SNRNP200: variants seen among roughly 807,000 people sequenced by gnomAD.
SNRNP200 encodes the protein small nuclear ribonucleoprotein U5 subunit 200, also known as U5 small nuclear ribonucleoprotein 200 kDa helicase.
Under a neutral mutation model 255.2 loss-of-function variants are expected in SNRNP200, and 66 were observed. The ratio of observed to expected loss-of-function variants is 0.26; its 90% CI spans 0.21 to 0.32. The LOEUF is 0.32. Among genes scored for constraint, SNRNP200 ranks in the 10% least tolerant of loss-of-function variants. SNRNP200 has a pLI of 1.00. For missense variants in SNRNP200, 1,585 were observed against 2,749.8 expected, an observed-to-expected ratio of 0.58 and a Z score of 9.47; for synonymous variants, 939 against 1,027.8, an observed-to-expected ratio of 0.91 and a Z score of 1.65.
rs758426655 is a variant in SNRNP200 at position 96,297,647 on chromosome 2, T to C, written c.1193A>G (p.Gln398Arg). 50 of 1,614,122 alleles carry C rather than the reference T, an allele frequency of 3.1e-5. No homozygotes were observed. Among genetic ancestry groups the C allele is most frequent in the Non-Finnish European group, 4.2e-5 (49 of 1,180,042 alleles). ...DTDLETMDLD[Q>R]GGEALAPRQV... ...CGCCCTGGATCCTACCTCTCCACCC[T>C]GGTCGAGATCCATGGTTTCCAGATC... The change falls in exon 10 of 45, where the codon CAG (glutamine) becomes CGG (arginine). Residue 398 changes from glutamine (Q) to arginine (R), a missense_variant. Coordinates refer to ENST00000323853, the MANE Select transcript of SNRNP200 (RefSeq NM_014014.5).
rs762877215 is a variant in SNRNP200 at position 96,287,068 on chromosome 2, T to C, written c.3577A>G (p.Ile1193Val). ...KLELSVHLQP[I>V]TRSTLKVELT... ...TCCACCTTCAGGGTGGAGCGTGTGA[T>C]AGGCTGCAGGTGCACTGACAACTCC... Residue 1193 changes from isoleucine (I) to valine (V), a missense_variant, in exon 27 of 45, where the codon ATC becomes GTC. Ile to Val is a conservative substitution (Grantham distance 29). Transcript: ENST00000323853. The surrounding 1 kb of genome is among the most constrained non-coding windows in gnomAD (Gnocchi z 5.7). 6.8e-6 allele frequency: 11 copies of C among 1,614,144 alleles called. No individual in the cohort carries two copies. The highest frequency in any genetic ancestry group is 3.3e-5 in the South Asian group (3 of 91,084).
In SNRNP200 at chr2:96,291,736, C is replaced by G. The variant is rs773417158; in HGVS notation, c.2310+15G>C. 3.1e-6 allele frequency: 5 copies of G among 1,613,866 alleles called. No homozygotes were observed. The East Asian group carries it at 6.7e-5, about 22-fold the overall frequency. On this transcript the variant is annotated intron_variant, in intron 17 of 44. Coordinates refer to ENST00000323853, the MANE Select transcript of SNRNP200 (RefSeq NM_014014.5). The surrounding 1 kb of genome is among the most constrained non-coding windows in gnomAD (Gnocchi z 4.2). Reference sequence around the variant, plus strand: ...GCCAGGTAGGAATGAGAGAACCCAGCTGGCCCCTCCTCACCTTGCACTGCT... The same window carrying G: ...GCCAGGTAGGAATGAGAGAACCCAGGTGGCCCCTCCTCACCTTGCACTGCT...
At chr2:96,292,671 G>C (rs796739987) in intron 16 of SNRNP200, among the ~76,000 whole-genome samples, 11 of 152,328 alleles carry the variant, frequency 7.2e-5, no homozygotes, top group African/African-American at 2.6e-4. Context: ...TCTAATAGTT[G>C]TAGGGCTCTT....
chr2:96,304,663 CTT>C (rs764824801), intron 2 of SNRNP200, 40 bp downstream of exon 2: 28 of 1,613,014 alleles, frequency 1.7e-5, no homozygotes, highest in Non-Finnish European at 2.4e-5. Flanking sequence ...AGGGAAGAGA[CTT>C]TGGATCTGAA....
Position 96,296,621 on chromosome 2 carries a change from C to T in SNRNP200, c.1586G>A (p.Gly529Asp). ...CTTGAAGTCATCCACATTGATGGTG[C>T]CGTCCATGTTTATGTGTTTCCCAAT... ...REIGKHINMD[G>D]TINVDDFKII... The change falls in exon 13 of 45, where the codon GGC (glycine) becomes GAC (aspartate). Residue 529 changes from glycine (G) to aspartate (D), a missense_variant. Transcript: ENST00000323853. 4.3e-6 allele frequency: 7 copies of T among 1,614,098 alleles called. No individual in the cohort carries two copies. Among genetic ancestry groups the T allele is most frequent in the Non-Finnish European group, 5.9e-6 (7 of 1,179,998 alleles).
rs753838317 is a variant in SNRNP200 at position 96,291,526 on chromosome 2, G to A, written c.2311-24C>T. 6.7e-6 allele frequency: 10 copies of A among 1,493,780 alleles called. No individual in the cohort carries two copies. Among genetic ancestry groups the A allele is most frequent in the Middle Eastern group, 3.4e-4 (2 of 5,858 alleles). 92.5% of individuals were successfully genotyped at this position (1,493,780 alleles called of 1,614,324 possible). A position where few individuals can be genotyped will look rare whatever the true frequency, so the allele number is the denominator to read the frequency against. ...TTCTGTGGAACAAAGAACCGGGGAT[G>A]AGGCGAGCCTTCCTGTAGGACTCAT... is the stretch of plus-strand genomic sequence containing the variant. On this transcript the variant is annotated intron_variant, in intron 17 of 44. Coordinates refer to ENST00000323853, the MANE Select transcript of SNRNP200 (RefSeq NM_014014.5). The surrounding 1 kb of genome is among the most constrained non-coding windows in gnomAD (Gnocchi z 4.2).
chr2:96,296,514 C>T lies in SNRNP200; in HGVS notation c.1671+22G>A, dbSNP rs200485869. 1.1e-5 allele frequency: 18 copies of T among 1,613,208 alleles called. 1 individual carries two copies. The Admixed American group carries it at 2.5e-4, about 22-fold the overall frequency. On this transcript the variant is annotated intron_variant, in intron 13 of 44. Coordinates refer to ENST00000323853, the MANE Select transcript of SNRNP200 (RefSeq NM_014014.5). The stretch of plus-strand genomic sequence containing the variant: ...TCATAGGTGCACCCAGTATCCTCTG[C>T]AGGAAAGTTCTACTCCCTCACCTTT...
chr2:96,285,302 C>T lies in SNRNP200; in HGVS notation c.4042G>A (p.Val1348Met), dbSNP rs2063837543. The T allele has an allele frequency of 1.2e-6, 2 of 1,614,034 alleles. No individual in the cohort carries two copies. Among genetic ancestry groups the T allele is most frequent in the African/African-American group, 1.3e-5 (1 of 74,936 alleles). Residue 1348 changes from valine to methionine, a missense_variant, in exon 30 of 45, where the codon GTG becomes ATG. Physicochemically the swap from Val to Met is conservative, Grantham distance 21. Transcript: ENST00000323853. ...TTCCCGCTGCCCGTGGGGGCCCCCA[C>T]AAACACGTTGTCGTCACTGTTGTAT... Reference protein sequence around the residue: ...TVYNSDDNVFVGAPTGSGKTI... With the variant: ...TVYNSDDNVFMGAPTGSGKTI...
chr2:96,287,734 C>A lies in SNRNP200; in HGVS notation c.3365+129G>T, dbSNP rs866535737. 2 of 947,670 alleles carry A rather than the reference C, an allele frequency of 2.1e-6. No individual in the cohort carries two copies. Among genetic ancestry groups the A allele is most frequent in the Non-Finnish European group, 1.7e-6 (1 of 575,442 alleles). The allele number at this position is 947,670 out of a possible 1,614,324, so 58.7% of individuals were successfully genotyped here. On this transcript the variant is annotated intron_variant, in intron 25 of 44. Transcript: ENST00000323853. This position sits in a 1 kb window ranked among gnomAD's most constrained non-coding sequence, Gnocchi z 5.7. ...GAGGGCCTTCCCTCTTCTCAATGTG[C>A]ACCAAGGTTCAGGTCATACTTCCGA...
intron 16 of SNRNP200, among the ~76,000 whole-genome samples, chr2:96,292,639 G>C (rs1361064289): frequency 6.6e-6 from 1 of 152,092 alleles, no homozygotes; most frequent in Non-Finnish European, 1.5e-5. Flanking sequence ...GCTTGCTGGG[G>C]GGATTTTTAA....
rs61753580 is a variant in SNRNP200, at chr2:96,275,054, G to A, written c.6369C>T (p.Ser2123=). The stretch of plus-strand genomic sequence containing the variant: ...CTGTCTCAGCTTCTTTCACATCCAC[G>A]CTGAATTTGTACTCCTGGTCACATC... The part of the protein sequence containing the change: ...YMGCDQEYKF[S]VDVKEAETDS... The change falls in exon 45 of 45, where the codon AGC becomes AGT. Residue 2123 remains serine, a synonymous_variant. Coordinates refer to ENST00000323853, the MANE Select transcript of SNRNP200 (RefSeq NM_014014.5). 1.0e-4 allele frequency: 163 copies of A among 1,614,164 alleles called. No homozygotes were observed. The African/African-American group carries it at 1.5e-3, about 15-fold the overall frequency.
rs1558763000 is a variant in SNRNP200, at chr2:96,277,993, CT to C, written c.5611-44del. 6.2e-7 allele frequency: 1 copy of C among 1,613,956 alleles called. No homozygotes were observed. Among genetic ancestry groups the C allele is most frequent in the Non-Finnish European group, 8.5e-7 (1 of 1,179,914 alleles). On this transcript the variant is annotated intron_variant, in intron 39 of 44. Coordinates refer to ENST00000323853, the MANE Select transcript of SNRNP200 (RefSeq NM_014014.5). This position sits in a 1 kb window ranked among gnomAD's most constrained non-coding sequence, Gnocchi z 4.4. ...AATAGCTGGTGATGAACAGGTGACC[CT>C]GCCTGAGACCAGCTCAGGCCAAAGC...
intron 16 of SNRNP200, among the ~76,000 whole-genome samples, 159 bp downstream of exon 16, chr2:96,292,813 G>T (rs1364447649): frequency 6.6e-6 from 1 of 152,144 alleles, no homozygotes; most frequent in Non-Finnish European, 1.5e-5. Context: ...TATCCTTCCA[G>T]TGGCTATAGG....
chr2:96,299,448 C>T (rs1467532377), intron 5 of SNRNP200, 21 bp from the exon 6 acceptor site: 5 of 1,585,296 alleles, frequency 3.2e-6, no homozygotes, highest in Non-Finnish European at 4.3e-6. Flanking sequence ...GACCCCAACT[C>T]AACCATGATC....
At chr2:96,288,446 C>A (rs1271637192) in intron 24 of SNRNP200, among the ~76,000 whole-genome samples, 3 of 152,160 alleles carry the variant, frequency 2.0e-5, no homozygotes, top group African/African-American at 7.2e-5. Context: ...AGCCTCGAAG[C>A]ATTCCCTCTT....
rs965050012 is a variant in SNRNP200 at position 96,284,550 on chromosome 2, C to G, written c.4200G>C (p.Arg1400Ser). Residue 1400 changes from arginine (R) to serine (S), a missense_variant, in exon 31 of 45, where the codon AGG (arginine) becomes AGC (serine). Arg to Ser is a moderately radical substitution (Grantham distance 110). Coordinates refer to ENST00000323853, the MANE Select transcript of SNRNP200 (RefSeq NM_014014.5). The stretch of plus-strand genomic sequence containing the variant: ...TCAGGAGTACCACCTTCTTGTTGAG[C>G]CTGTCCTGGAACTTCTCGTACCAGT... The part of the protein sequence containing the change: ...YMDWYEKFQD[R>S]LNKKVVLLTG... 4 of 1,614,102 alleles carry G rather than the reference C, an allele frequency of 2.5e-6. No individual in the cohort carries two copies. The highest frequency in any genetic ancestry group is 1.3e-5 in the African/African-American group (1 of 75,010).
chr2:96,285,359 A>G lies in SNRNP200; in HGVS notation c.4004-19T>C, dbSNP rs2063838041. The G allele has an allele frequency of 6.2e-7, 1 of 1,613,594 alleles. No homozygotes were observed. Among genetic ancestry groups the G allele is most frequent in the Middle Eastern group, 1.6e-4 (1 of 6,076 alleles). ...TTAAACACTGGAAACCAACAGAAAGAAGCAGTGTAAGTATCAAGAAGGAAG... is the reference window on the plus strand; with the variant it reads ...TTAAACACTGGAAACCAACAGAAAGGAGCAGTGTAAGTATCAAGAAGGAAG... On this transcript the variant is annotated intron_variant, in intron 29 of 44. Coordinates refer to ENST00000323853, the MANE Select transcript of SNRNP200 (RefSeq NM_014014.5).
intron 30 of SNRNP200, 144 bp downstream of exon 30, chr2:96,285,036 C>A: frequency 1.0e-6 from 1 of 975,742 alleles, no homozygotes; most frequent in South Asian, 1.4e-5. Flanking sequence ...AGGCGTGAGC[C>A]ACCACGCTTG....
At chr2:96,279,025 A>G (rs1684716546) in intron 36 of SNRNP200, 27 bp from the exon 37 acceptor site, 1 of 1,587,326 alleles carries the variant, frequency 6.3e-7, no homozygotes, top group African/African-American at 1.3e-5. Flanking sequence ...GAGAAGGAGT[A>G]ATAAAGAATT....
Sources: allele counts gnomAD v4.1 joint callset (sites outside exome capture counted in the v4.1 genomes callset), GRCh38; gene constraint gnomAD v4.1.1; non-coding constraint Gnocchi (gnomAD v3.1); transcripts MANE v1.5; gene names NCBI Gene and HGNC (gene_info 2026-07-23, HGNC 2026-07-21).